The following MYO3A variants were observed in gnomAD, a reference collection of about 807,000 sequenced individuals.
The protein encoded by MYO3A is myosin IIIA, also known as myosin-IIIa.
In MYO3A, 180 loss-of-function variants were observed where a neutral mutation model predicts 192.7. That is an observed-to-expected ratio of 0.93 (90% CI 0.83 to 1.06). The LOEUF (loss-of-function observed/expected upper bound fraction) is 1.06, where lower values mean the gene tolerates loss of function less well. Among genes scored for constraint, MYO3A ranks in the 50% least tolerant of loss-of-function variants. MYO3A has a pLI of 0.00. For synonymous variants in MYO3A, 628 were observed against 645.3 expected (o/e 0.97, Z 0.41); for missense variants, 1,896 against 1,905.0 (o/e 1.00, Z 0.09).
At chr10:26,135,506 A>C (rs1489641989) in intron 20 of MYO3A, among the ~76,000 whole-genome samples, 1 of 152,106 alleles carries the variant, frequency 6.6e-6, no homozygotes, top group Admixed American at 6.6e-5. Flanking sequence ...GGGAGCACTT[A>C]GGCTGGCAGC....
intron 32 of MYO3A, among the ~76,000 whole-genome samples, chr10:26,194,561 C>T (rs904688518): frequency 6.6e-6 from 1 of 152,138 alleles, no homozygotes; most frequent in African/African-American, 2.4e-5. Flanking sequence ...GTGTTGAAAC[C>T]CAGAGAATCA....
intron 20 of MYO3A, among the ~76,000 whole-genome samples, chr10:26,133,314 G>A (rs1280200070): frequency 1.3e-5 from 2 of 152,164 alleles, no homozygotes; most frequent in African/African-American, 4.8e-5. Flanking sequence ...TTCCTTAAAT[G>A]TTTCACACAC....
intron 17 of MYO3A, among the ~76,000 whole-genome samples, chr10:26,099,945 T>G (rs1434259027): frequency 6.6e-6 from 1 of 152,216 alleles, no homozygotes; most frequent in African/African-American, 2.4e-5. Context: ...TAGGGAGGAT[T>G]CCCTCTTTTT....
Position 26,171,442 on chromosome 10 carries a change from GTCTCACAGATGA to G in MYO3A, c.3398+909_3398+920del, listed in dbSNP as rs534472950. 6.4e-3 allele frequency among the ~76,000 whole-genome samples: 981 copies of G among 152,222 alleles called. 3 individuals carry two copies. The highest frequency in any genetic ancestry group is 0.01 in the Non-Finnish European group (692 of 68,026). On this transcript the variant is annotated intron_variant, in intron 29 of 34. Coordinates refer to ENST00000642920, the MANE Select transcript of MYO3A (RefSeq NM_017433.5). ...CCGCTATTCTCTCCTGCCAATAGTG[GTCTCACAGATGA>G]TCTCATAGATGACTTCTCTGCCACC...
At chr10:26,127,250 C>T (rs757744539) in intron 19 of MYO3A, among the ~76,000 whole-genome samples, 2 of 152,228 alleles carry the variant, frequency 1.3e-5, no homozygotes, top group Non-Finnish European at 2.9e-5. Flanking sequence ...ATAGATCTTA[C>T]TTTAAGAATC....
chr10:25,991,945 C>T (rs559500705), intron 4 of MYO3A, among the ~76,000 whole-genome samples: 71 of 152,254 alleles, frequency 4.7e-4, no homozygotes, highest in African/African-American at 1.5e-3. Flanking sequence ...AGTCAGGTAG[C>T]GTGTTGCCTC....
At chr10:25,976,461 A>G (rs763389790) in intron 4 of MYO3A, among the ~76,000 whole-genome samples, 4 of 152,236 alleles carry the variant, frequency 2.6e-5, no homozygotes, top group Admixed American at 6.5e-5. Flanking sequence ...AATGCCAACT[A>G]TAGAAATTAG....
intron 11 of MYO3A, among the ~76,000 whole-genome samples, chr10:26,068,025 T>G (rs1026758099): frequency 6.6e-6 from 1 of 152,160 alleles, no homozygotes; most frequent in African/African-American, 2.4e-5. Context: ...AAGTCAGAGA[T>G]TGCAGCACCT....
chr10:26,128,393 G>A lies in MYO3A; in HGVS notation c.2117G>A (p.Gly706Glu), dbSNP rs1839335866. The change falls in exon 20 of 35, where the codon GGG becomes GAG. Residue 706 changes from glycine to glutamate, a missense_variant and splice_region_variant. Physicochemically the swap from Gly to Glu is moderately conservative, Grantham distance 98 (BLOSUM62 -2). Transcript: ENST00000642920. ...SLLKHDSSPSGNGDELSIGIL... is the reference protein window; with the variant it reads ...SLLKHDSSPSENGDELSIGIL... The stretch of plus-strand genomic sequence containing the variant: ...TAATGCCTCTTCAATTCTTCTAGTG[G>A]GAATGGTGATGAGCTGAGCATTGGC... The A allele has an allele frequency of 6.2e-7, 1 of 1,612,702 alleles. No homozygotes were observed. Among genetic ancestry groups the A allele is most frequent in the African/African-American group, 1.3e-5 (1 of 74,864 alleles).
intron 14 of MYO3A, among the ~76,000 whole-genome samples, chr10:26,087,636 G>A (rs1436659810): frequency 2.0e-5 from 3 of 152,184 alleles, no homozygotes; most frequent in South Asian, 2.1e-4. Flanking sequence ...CTTCTTTGAG[G>A]AGAGGAGCAT....
chr10:25,934,575 G>A (rs1020429297), intron 1 of MYO3A, among the ~76,000 whole-genome samples: 4 of 151,830 alleles, frequency 2.6e-5, no homozygotes, highest in Admixed American at 2.0e-4. Context: ...ACCAAGAGGG[G>A]GAATGTGAGG....
At chr10:26,050,337 A>T (rs1267497616) in intron 10 of MYO3A, among the ~76,000 whole-genome samples, 1 of 152,192 alleles carries the variant, frequency 6.6e-6, no homozygotes, top group Non-Finnish European at 1.5e-5. Context: ...CCATCATGCC[A>T]TTTAATGATT....
chr10:25,980,880 G>C (rs1031143307), intron 4 of MYO3A, among the ~76,000 whole-genome samples: 1 of 151,980 alleles, frequency 6.6e-6, no homozygotes, highest in African/African-American at 2.4e-5. Context: ...TTTACATTAG[G>C]GTTCCCTACT....
intron 17 of MYO3A, among the ~76,000 whole-genome samples, chr10:26,098,914 T>A (rs1188451777): frequency 6.6e-6 from 1 of 152,220 alleles, no homozygotes; most frequent in African/African-American, 2.4e-5. Flanking sequence ...TGGTTCCATA[T>A]GAACTTTAAA....
intron 4 of MYO3A, among the ~76,000 whole-genome samples, chr10:25,991,553 A>G (rs1183405371): frequency 6.6e-6 from 1 of 151,960 alleles, no homozygotes; most frequent in Non-Finnish European, 1.5e-5. Flanking sequence ...TTTTGTTGCC[A>G]TTGCTTTTGG....
intron 4 of MYO3A, among the ~76,000 whole-genome samples, chr10:25,991,603 A>T (rs1316615223): frequency 1.3e-5 from 2 of 152,140 alleles, no homozygotes; most frequent in African/African-American, 2.4e-5. Context: ...CTATGTCCTG[A>T]ATGGTAATGC....
chr10:26,038,521 G>T (rs1201717607), intron 10 of MYO3A, among the ~76,000 whole-genome samples: 1 of 152,142 alleles, frequency 6.6e-6, no homozygotes, highest in Admixed American at 6.5e-5. Flanking sequence ...ATATAGAAAT[G>T]CTACTGATTT....
intron 14 of MYO3A, among the ~76,000 whole-genome samples, chr10:26,076,802 T>G (rs1206421258): frequency 6.6e-6 from 1 of 152,188 alleles, no homozygotes; most frequent in Non-Finnish European, 1.5e-5. Context: ...ATCAGTTGGC[T>G]GTAAGTATTT....
At chr10:25,997,815 A>G (rs889406751) in intron 6 of MYO3A, among the ~76,000 whole-genome samples, 6 of 152,146 alleles carry the variant, frequency 3.9e-5, no homozygotes, top group Admixed American at 3.9e-4. Context: ...GAGAGAGGGG[A>G]AGAATGGGGG....
Sources: allele counts gnomAD v4.1 joint callset (sites outside exome capture counted in the v4.1 genomes callset), GRCh38; gene constraint gnomAD v4.1.1; transcripts MANE v1.5; gene names NCBI Gene and HGNC (gene_info 2026-07-23, HGNC 2026-07-21).